The following CKB variants were observed in gnomAD, a reference collection of about 807,000 sequenced individuals.
The protein encoded by CKB is creatine kinase B, also known as creatine kinase B-type.
Under a neutral mutation model 36.9 loss-of-function variants are expected in CKB, and 15 were observed. The ratio of observed to expected loss-of-function variants is 0.41; its 90% confidence interval spans 0.27 to 0.63. CKB has a LOEUF of 0.63. CKB is among the 20% of genes least tolerant of loss of function. The probability of loss-of-function intolerance (pLI) is 0.34; values close to 1 mark genes in which losing one functional copy is unlikely to be tolerated. For missense variants in CKB, 413 were observed against 534.9 expected (o/e 0.77, Z 2.25); for synonymous variants, 250 against 228.2 (o/e 1.10, Z -0.86).
intron 5 of CKB, chr14:103,521,057 C>T: frequency 1.4e-6 from 1 of 722,026 alleles, no homozygotes; most frequent in Non-Finnish European, 2.5e-6. Flanking sequence ...GGCCGGGGCC[C>T]AGTCCCTTAA....
chr14:103,520,279 C>G lies in CKB; in HGVS notation c.810G>C (p.Glu270Asp), dbSNP rs1446897133. Residue 270 changes from glutamate to aspartate, a missense_variant, in exon 7 of 8, where the codon GAG becomes GAC. By Grantham distance (45) the Glu-to-Asp change is conservative. This residue lies in a region of CKB where 314 missense variants were observed against 409.4 expected (regional missense o/e 0.77). Transcript: ENST00000348956. ...IETLFKSKDY[E>D]FMWNPHLGYI... ...AGCCCAGGTGAGGGTTCCACATGAA[C>G]TCATAGTCCTTAGACTTGAAGAGAG... is the stretch of plus-strand genomic sequence containing the variant. 6.2e-7 allele frequency: 1 copy of G among 1,612,596 alleles called. No individual in the cohort carries two copies. Among genetic ancestry groups the G allele is most frequent in the Non-Finnish European group, 8.5e-7 (1 of 1,179,560 alleles).
At position 103,521,026 on chromosome 14, in the gene CKB, G is replaced by A. The variant is rs969752324; in HGVS notation, c.653+237C>T. 20 of 650,920 alleles carry A rather than the reference G, an allele frequency of 3.1e-5. No individual in the cohort carries two copies. In the African/African-American group the frequency reaches 3.5e-4, roughly 11 times the overall value. 40.3% of individuals were successfully genotyped at this position (650,920 alleles called of 1,614,324 possible). ...TCACGTCTCGGGGTGGGGAGGTGTTGCTGAGTCCTGAGCCCCCACGGGCCG... is the reference window on the plus strand; with the variant it reads ...TCACGTCTCGGGGTGGGGAGGTGTTACTGAGTCCTGAGCCCCCACGGGCCG... On this transcript the variant is annotated intron_variant, in intron 5 of 7. Coordinates refer to ENST00000348956, the MANE Select transcript of CKB (RefSeq NM_001823.5).
In CKB at chr14:103,519,699, A is replaced by G; in HGVS notation, c.*165T>C. The G allele has an allele frequency of 1.4e-6, 1 of 728,228 alleles. No individual in the cohort carries two copies. Among genetic ancestry groups the G allele is most frequent in the Non-Finnish European group, 2.1e-6 (1 of 470,620 alleles). The allele number at this position is 728,228 out of a possible 1,614,324, so 45.1% of individuals were successfully genotyped here. A position where few individuals can be genotyped will look rare whatever the true frequency, so the allele number is the denominator to read the frequency against. ...CAAAACCCTAGTTTATTTCAGCATC[A>G]GCAGTATCTTAGCCATCAAAAAAAT... On this transcript the variant is annotated 3_prime_UTR_variant, in exon 8 of 8. Transcript: ENST00000348956.
chr14:103,522,531 G>C lies in CKB; in HGVS notation c.-12-26C>G. On this transcript the variant is annotated intron_variant, in intron 1 of 7. Transcript: ENST00000348956. The surrounding 1 kb of genome is among the most constrained non-coding windows in gnomAD (Gnocchi z 6.7). ...CTGCGGGGAGACGCGGGGTCAGAGG[G>C]GACCGGCACGCCGGGGTTCCCGGGC... The C allele has an allele frequency of 2.0e-6, 3 of 1,483,676 alleles. No individual in the cohort carries two copies. Among genetic ancestry groups the C allele is most frequent in the Non-Finnish European group, 2.7e-6 (3 of 1,123,336 alleles). The allele number at this position is 1,483,676 out of a possible 1,614,324, so 91.9% of individuals were successfully genotyped here. A position where few individuals can be genotyped will look rare whatever the true frequency, so the allele number is the denominator to read the frequency against.
intron 5 of CKB, 53 bp from the exon 6 acceptor site, chr14:103,520,645 C>T (rs1217293216): frequency 2.6e-6 from 4 of 1,561,872 alleles, no homozygotes; most frequent in Non-Finnish European, 3.5e-6. Context: ...CAGGCCGCCC[C>T]CAGACCAAAG....
chr14:103,521,087 T>C, intron 5 of CKB, 176 bp downstream of exon 5: 1 of 830,332 alleles, frequency 1.2e-6, no homozygotes, highest in Admixed American at 2.0e-5. Context: ...TCGGCCAAGG[T>C]CACCGGCGCA....
chr14:103,520,119 C>A lies in CKB; in HGVS notation c.967+3G>T, dbSNP rs34874824. On this transcript the variant is annotated splice_donor_region_variant and intron_variant, in intron 7 of 7. Transcript: ENST00000348956. ...GGGAAGCCGCAGCACCTGCCCTGCTCACCTGTGCCTCGCTTCTGAAGTCGC... is the reference window on the plus strand; with the variant it reads ...GGGAAGCCGCAGCACCTGCCCTGCTAACCTGTGCCTCGCTTCTGAAGTCGC... The A allele has an allele frequency of 5.0e-4, 807 of 1,603,124 alleles. 3 individuals carry two copies. The African/African-American group carries it at 9.8e-3, about 19-fold the overall frequency.
In CKB at chr14:103,522,171, G is replaced by C. The variant is rs11545348; in HGVS notation, c.200C>G (p.Pro67Arg). The C allele has an allele frequency of 6.2e-7, 1 of 1,603,614 alleles. No homozygotes were observed. The highest frequency in any genetic ancestry group is 8.5e-7 in the Non-Finnish European group (1 of 1,175,798). The part of the protein sequence containing the change: ...IQTGVDNPGH[P>R]YIMTVGCVAG... ...CACGCAGCCCACGGTCATGATGTAC[G>C]GGTGGCCTGGGGGAGGGGGCGCGGG... Residue 67 changes from proline to arginine, a missense_variant, in exon 3 of 8, where the codon CCG becomes CGG. This residue lies in a region of CKB where 25 missense variants were observed against 54.9 expected (regional missense o/e 0.46). Transcript: ENST00000348956. The surrounding 1 kb of genome is among the most constrained non-coding windows in gnomAD (Gnocchi z 6.7).
chr14:103,522,179 TG>T lies in CKB; in HGVS notation c.194-3del. The T allele has an allele frequency of 6.3e-7, 1 of 1,594,752 alleles. No homozygotes were observed. The highest frequency in any genetic ancestry group is 8.5e-7 in the Non-Finnish European group (1 of 1,171,798). ...CCACGGTCATGATGTACGGGTGGCC[TG>T]GGGGAGGGGGCGCGGGACGGGGACA... On this transcript the variant is annotated splice_polypyrimidine_tract_variant and splice_region_variant and intron_variant, in intron 2 of 7. Coordinates refer to ENST00000348956, the MANE Select transcript of CKB (RefSeq NM_001823.5). The surrounding 1 kb of genome is among the most constrained non-coding windows in gnomAD (Gnocchi z 6.7).
At chr14:103,521,719 G>C in intron 4 of CKB, 99 bp downstream of exon 4, 1 of 1,254,712 alleles carries the variant, frequency 8.0e-7, no homozygotes, top group South Asian at 2.1e-5. Flanking sequence ...AGAGCGCGAC[G>C]GCGGCTGCCG....
chr14:103,520,805 A>G, intron 5 of CKB: 1 of 652,382 alleles, frequency 1.5e-6, no homozygotes, highest in Admixed American at 3.3e-5. Flanking sequence ...CTGTGGCCTG[A>G]GGTGGGGCGG....
rs774233084 is a variant in CKB at position 103,521,438 on chromosome 14, C to T, written c.482-4G>A. ...TCGCCGTCCAGGCTGGACAGGGCTG[C>T]GAGGGGTGCGCTCAGGACGCTCGGC... On this transcript the variant is annotated splice_region_variant and splice_polypyrimidine_tract_variant and intron_variant, in intron 4 of 7. Transcript: ENST00000348956. 1.9e-6 allele frequency: 3 copies of T among 1,585,564 alleles called. No individual in the cohort carries two copies. The East Asian group carries it at 6.9e-5, about 37-fold the overall frequency.
intron 4 of CKB, 49 bp downstream of exon 4, chr14:103,521,769 C>T: frequency 7.4e-7 from 1 of 1,345,066 alleles, no homozygotes; most frequent in Non-Finnish European, 9.5e-7. Flanking sequence ...GGGACCGCGC[C>T]GGGAGGGGGA....
chr14:103,521,496 A>G (rs2075900962), intron 4 of CKB, 62 bp from the exon 5 acceptor site: 1 of 1,380,068 alleles, frequency 7.2e-7, no homozygotes, highest in Admixed American at 3.1e-5. Flanking sequence ...CGCAGCGCGG[A>G]CCCGCCCGCC....
At position 103,522,583 on chromosome 14, in the gene CKB, G is replaced by A; in HGVS notation, c.-12-78C>T. 1.2e-5 allele frequency: 4 copies of A among 336,494 alleles called. No homozygotes were observed. The highest frequency in any genetic ancestry group is 1.9e-5 in the Non-Finnish European group (4 of 208,926). 20.8% of individuals were successfully genotyped at this position (336,494 alleles called of 1,614,324 possible). A position where few individuals can be genotyped will look rare whatever the true frequency, so the allele number is the denominator to read the frequency against. ...CCCGCGTACCACTCAGGCCCCCGCC[G>A]CCGGGCCCCCCGGCGCCCCCCGGGA... On this transcript the variant is annotated intron_variant, in intron 1 of 7. Transcript: ENST00000348956. The surrounding 1 kb of genome is among the most constrained non-coding windows in gnomAD (Gnocchi z 6.7).
At position 103,522,034 on chromosome 14, in the gene CKB, C is replaced by G; in HGVS notation, c.337G>C (p.Asp113His). Reference sequence around the variant, plus strand: ...CCGCAGCCCCGCACCTGCAGGTTGTCGGGGTTGAGGTCGGTCTTGTGCTCA... The same window carrying G: ...CCGCAGCCCCGCACCTGCAGGTTGTGGGGGTTGAGGTCGGTCTTGTGCTCA... ...SDEHKTDLNP[D>H]NLQGGDDLDP... The change falls in exon 3 of 8, where the codon GAC becomes CAC. Residue 113 changes from aspartate (D) to histidine (H), a missense_variant. Asp to His is a moderately conservative substitution (Grantham distance 81, BLOSUM62 -1). Around this residue, in one of 3 missense-constraint regions of CKB, gnomAD observed 314 missense variants for 409.4 expected, o/e 0.77. Transcript: ENST00000348956. This position sits in a 1 kb window ranked among gnomAD's most constrained non-coding sequence, Gnocchi z 6.7. 1.4e-6 allele frequency: 2 copies of G among 1,431,398 alleles called. No individual in the cohort carries two copies. The highest frequency in any genetic ancestry group is 2.1e-5 in the Admixed American group (1 of 47,564). 88.7% of individuals were successfully genotyped at this position (1,431,398 alleles called of 1,614,324 possible).
intron 4 of CKB, 122 bp from the exon 5 acceptor site, chr14:103,521,556 G>T: frequency 1.9e-6 from 2 of 1,050,864 alleles, no homozygotes; most frequent in Non-Finnish European, 2.6e-6. Flanking sequence ...GCCCGGATCT[G>T]CGGGCGTCCA....
rs771021309 is a variant in CKB, at chr14:103,522,498, G to A, written c.-5C>T. On this transcript the variant is annotated 5_prime_UTR_variant, in exon 2 of 8. Coordinates refer to ENST00000348956, the MANE Select transcript of CKB (RefSeq NM_001823.5). This position sits in a 1 kb window ranked among gnomAD's most constrained non-coding sequence, Gnocchi z 6.7. ...GTGGCTGTTGGAGAAGGGCATGGCGGCGGCGGGCTGCGGGGAGACGCGGGG... is the reference window on the plus strand; with the variant it reads ...GTGGCTGTTGGAGAAGGGCATGGCGACGGCGGGCTGCGGGGAGACGCGGGG... 1.9e-6 allele frequency: 3 copies of A among 1,594,128 alleles called. No individual in the cohort carries two copies. The highest frequency in any genetic ancestry group is 2.6e-6 in the Non-Finnish European group (3 of 1,174,952).
Position 103,520,167 on chromosome 14 carries a change from A to G in CKB, c.922T>C (p.Phe308Leu), listed in dbSNP as rs1490518043. 1 of 1,610,648 alleles carries G rather than the reference A, an allele frequency of 6.2e-7. No individual in the cohort carries two copies. The highest frequency in any genetic ancestry group is 1.7e-5 in the Admixed American group (1 of 59,636). Residue 308 changes from phenylalanine (F) to leucine (L), a missense_variant, in exon 7 of 8, where the codon TTC becomes CTC. Phe to Leu is a conservative substitution (Grantham distance 22). Coordinates refer to ENST00000348956, the MANE Select transcript of CKB (RefSeq NM_001823.5). ...CGCAGCCGCTTAAGCACCTCCGAGA[A>G]CTTCTCATGCTTGCCCAGGTTGGGC... ...KLPNLGKHEK[F>L]SEVLKRLRLQ...
Sources: allele counts gnomAD v4.1 joint callset, GRCh38; gene constraint gnomAD v4.1.1; regional missense constraint gnomAD v4.1.1; non-coding constraint Gnocchi (gnomAD v3.1); transcripts MANE v1.5; gene names NCBI Gene and HGNC (gene_info 2026-07-23, HGNC 2026-07-21).